The following ANKRD30BL variants were observed in gnomAD, a reference collection of about 807,000 sequenced individuals.
ANKRD30BL encodes the protein ankyrin repeat domain 30B like, also known as putative ankyrin repeat domain-containing protein 30B-like.
ANKRD30BL carries 20 observed loss-of-function variants against 18.4 expected under a neutral mutation model. The observed-to-expected ratio is 1.09, with a 90% CI of 0.77 to 1.58. The LOEUF (loss-of-function observed/expected upper bound fraction) is 1.58, where lower values mean the gene tolerates loss of function less well. ANKRD30BL is among the 40% of genes most tolerant of loss of function. The pLI, the probability that ANKRD30BL is intolerant of heterozygous loss-of-function variation, is 0.00. For synonymous variants in ANKRD30BL, 72 were observed against 100.9 expected, an observed-to-expected ratio of 0.71 and a Z score of 1.72; for missense variants, 224 against 268.6, an observed-to-expected ratio of 0.83 and a Z score of 1.16.
chr2:132,222,224 C>T (rs1170489517), intron 1 of ANKRD30BL, among the ~76,000 whole-genome samples: 2 of 148,026 alleles, frequency 1.4e-5, no homozygotes, highest in African/African-American at 5.0e-5. Flanking sequence ...GGGGGTCAGC[C>T]CCCCGCCCGG....
chr2:132,225,566 C>T (rs1239391428), intron 1 of ANKRD30BL, among the ~76,000 whole-genome samples: 2 of 151,948 alleles, frequency 1.3e-5, no homozygotes, highest in Admixed American at 6.6e-5. Flanking sequence ...AGAGTTGAAA[C>T]TTTCTTTTGA....
intron 1 of ANKRD30BL, among the ~76,000 whole-genome samples, chr2:132,224,540 G>C (rs145799426): frequency 3.3e-5 from 5 of 152,032 alleles, no homozygotes; most frequent in African/African-American, 1.2e-4. Flanking sequence ...AACTCACAGA[G>C]CTGAACTTTC....
At chr2:132,249,602 A>G (rs1260402712) in intron 1 of ANKRD30BL, among the ~76,000 whole-genome samples, 1 of 151,610 alleles carries the variant, frequency 6.6e-6, no homozygotes, top group African/African-American at 2.4e-5. Flanking sequence ...CATCAAAAAA[A>G]AAGTTTCTCA....
intron 1 of ANKRD30BL, among the ~76,000 whole-genome samples, chr2:132,227,482 C>T (rs1045356046): frequency 5.3e-5 from 8 of 151,474 alleles, no homozygotes; most frequent in African/African-American, 1.5e-4. Flanking sequence ...TTGAAACACT[C>T]CTTTAGTAGA....
At chr2:132,163,507 G>A (rs3114255), upstream of ANKRD30BL, among the ~76,000 whole-genome samples, 4 of 152,088 alleles carry the variant, frequency 2.6e-5, no homozygotes, top group Admixed American at 6.6e-5. Context: ...TGTTTGTGCC[G>A]CTGCACTCCA....
At chr2:132,222,893 T>C (rs1359559066) in intron 1 of ANKRD30BL, among the ~76,000 whole-genome samples, 6 of 125,420 alleles carry the variant, frequency 4.8e-5, no homozygotes, top group African/African-American at 1.4e-4. Context: ...AATCCGTAAG[T>C]GAACTTTTGG....
rs1214662111 is a variant in ANKRD30BL at position 132,147,785 on chromosome 2, G to A, written c.*346C>T. 2 of 298,656 alleles carry A rather than the reference G, an allele frequency of 6.7e-6. No individual in the cohort carries two copies. Among genetic ancestry groups the A allele is most frequent in the African/African-American group, 4.3e-5 (2 of 46,684 alleles). 18.5% of individuals were successfully genotyped at this position (298,656 alleles called of 1,614,324 possible). On this transcript the variant is annotated 3_prime_UTR_variant, in exon 6 of 6. Coordinates refer to ENST00000409867, the MANE Select transcript of ANKRD30BL (RefSeq NM_001358416.1). ...AATTCAGATTGGCTATTTAAAGAGG[G>A]CAGGGGTATGAGCTGGAGTGGCAGG... is the stretch of plus-strand genomic sequence containing the variant.
intron 1 of ANKRD30BL, among the ~76,000 whole-genome samples, chr2:132,160,646 T>A (rs1688031219): frequency 6.6e-6 from 1 of 151,430 alleles, no homozygotes; most frequent in African/African-American, 2.4e-5. Context: ...GCCAGGATGG[T>A]CTCGATCTCC....
chr2:132,194,662 C>G (rs1456279967), intron 1 of ANKRD30BL, among the ~76,000 whole-genome samples: 1 of 152,252 alleles, frequency 6.6e-6, no homozygotes, highest in Non-Finnish European at 1.5e-5. Flanking sequence ...TCTGAAGATT[C>G]TACCCACCTT....
intron 1 of ANKRD30BL, among the ~76,000 whole-genome samples, chr2:132,201,842 C>T (rs959677151): frequency 3.3e-5 from 5 of 152,308 alleles, no homozygotes; most frequent in South Asian, 2.1e-4. Context: ...CACATGCACA[C>T]GTATGTTTAT....
chr2:132,158,595 G>A (rs912052267), intron 1 of ANKRD30BL, among the ~76,000 whole-genome samples: 9 of 151,400 alleles, frequency 5.9e-5, no homozygotes, highest in Admixed American at 4.6e-4. Flanking sequence ...AGGATGAAAG[G>A]ATCTTGAGAG....
At chr2:132,187,188 GTTT>G (rs1193358076) in intron 1 of ANKRD30BL, among the ~76,000 whole-genome samples, 1 of 90,622 alleles carries the variant, frequency 1.1e-5, no homozygotes, top group African/African-American at 4.0e-5. Flanking sequence ...TTTTTTGTTT[GTTT>G]TTTTTTTTTT....
intron 1 of ANKRD30BL, among the ~76,000 whole-genome samples, chr2:132,216,089 T>G (rs1230023201): frequency 6.6e-6 from 1 of 152,048 alleles, no homozygotes; most frequent in Admixed American, 6.6e-5. Context: ...GAGTTGAACT[T>G]TCTTTTGATT....
intron 1 of ANKRD30BL, among the ~76,000 whole-genome samples, chr2:132,235,642 G>C (rs746447439): frequency 2.0e-5 from 3 of 152,046 alleles, no homozygotes; most frequent in Admixed American, 6.6e-5. Context: ...GGATGTGAAG[G>C]AACTCTTCAA....
Position 132,206,106 on chromosome 2 carries a change from C to T in ANKRD30BL, n.442-48960G>A, listed in dbSNP as rs566640942. 8.5e-4 allele frequency among the ~76,000 whole-genome samples: 129 copies of T among 151,382 alleles called. 1 individual carries two copies. The highest frequency in any genetic ancestry group is 2.7e-3 in the African/African-American group (110 of 41,230). On this transcript the variant is annotated intron_variant and non_coding_transcript_variant, in intron 1 of 4. Coordinates refer to the ANKRD30BL transcript ENST00000470729. ...CCGGGAGGTGGAGGTCGCAGTGAGCCGAGATGATGCCACTGCACTCCAGCA... is the reference window on the plus strand; with the variant it reads ...CCGGGAGGTGGAGGTCGCAGTGAGCTGAGATGATGCCACTGCACTCCAGCA...
chr2:132,194,833 GGAGGA>G (rs1678931469), intron 1 of ANKRD30BL, among the ~76,000 whole-genome samples: 1 of 152,204 alleles, frequency 6.6e-6, no homozygotes, highest in African/African-American at 2.4e-5. Context: ...CTGGCAGTAG[GGAGGA>G]GAGAATTCTG....
chr2:132,233,777 C>T (rs564693866), intron 1 of ANKRD30BL, among the ~76,000 whole-genome samples: 10,691 of 146,980 alleles, frequency 0.073, 1,098 homozygotes, highest in African/African-American at 0.24. Context: ...GACAGATCAA[C>T]GAGACAGAAA....
At chr2:132,228,421 G>A (rs1679906113) in intron 1 of ANKRD30BL, among the ~76,000 whole-genome samples, 1 of 150,938 alleles carries the variant, frequency 6.6e-6, no homozygotes, top group Non-Finnish European at 1.5e-5. Context: ...GTTAGAAAAG[G>A]AAATATATTA....
chr2:132,187,353 C>G (rs1688585119), intron 1 of ANKRD30BL, among the ~76,000 whole-genome samples: 2 of 151,752 alleles, frequency 1.3e-5, no homozygotes, highest in Non-Finnish European at 2.9e-5. Flanking sequence ...CGCCGACATG[C>G]CCAGCTAATT....
Sources: gnomAD v4.1 joint callset for allele counts (sites outside exome capture counted in the v4.1 genomes callset) on GRCh38, gnomAD v4.1.1 for gene constraint, MANE v1.5 for transcripts, NCBI Gene and HGNC (gene_info 2026-07-23, HGNC 2026-07-21) for gene names.